PCSK5: variants seen among roughly 807,000 people sequenced by gnomAD.
PCSK5 encodes the protein prohormone convertase 5.
A neutral mutation model predicts 233.2 loss-of-function variants in PCSK5; 129 were observed. That is an observed-to-expected ratio of 0.55 (90% CI 0.48 to 0.64). The LOEUF is 0.64. PCSK5 is among the 30% of genes least tolerant of loss of function. The probability of loss-of-function intolerance (pLI) is 0.00; values close to 1 mark genes in which losing one functional copy is unlikely to be tolerated. For synonymous variants in PCSK5, 825 were observed against 879.2 expected (o/e 0.94, Z 1.09); for missense variants, 2,076 against 2,430.1 (o/e 0.85, Z 3.06).
intron 28 of PCSK5, among the ~76,000 whole-genome samples, chr9:76,308,283 G>T (rs189358815): frequency 6.6e-6 from 1 of 152,338 alleles, no homozygotes; most frequent in Admixed American, 6.5e-5. Context: ...TCATTCACAA[G>T]TGCATACACA....
intron 14 of PCSK5, among the ~76,000 whole-genome samples, chr9:76,179,249 C>T (rs1823742935): frequency 6.6e-6 from 1 of 152,138 alleles, no homozygotes; most frequent in Non-Finnish European, 1.5e-5. Context: ...AATCTTTTTA[C>T]TATTACACAT....
chr9:76,162,687 GA>G (rs1822916335), intron 12 of PCSK5, among the ~76,000 whole-genome samples: 3 of 152,092 alleles, frequency 2.0e-5, no homozygotes, highest in African/African-American at 7.2e-5. Context: ...AAAGAACAAA[GA>G]TTTTTTTCTT....
At chr9:76,179,546 CCTG>C in intron 14 of PCSK5, 47 bp from the exon 15 acceptor site, 1 of 1,332,528 alleles carries the variant, frequency 7.5e-7, no homozygotes, top group Non-Finnish European at 1.1e-6. Context: ...GTAAAGCTGA[CCTG>C]CTCTAAAATC....
At chr9:75,943,008 C>T (rs1315276866) in intron 2 of PCSK5, among the ~76,000 whole-genome samples, 4 of 151,516 alleles carry the variant, frequency 2.6e-5, no homozygotes, top group Non-Finnish European at 4.4e-5. Flanking sequence ...CTTCAGCCTC[C>T]TGGGTAGCTG....
chr9:76,040,369 C>CTGTCTG (rs1563988566), intron 5 of PCSK5, among the ~76,000 whole-genome samples: 3 of 51,382 alleles, frequency 5.8e-5, no homozygotes, highest in African/African-American at 2.3e-4. Flanking sequence ...CTCTCTCTCT[C>CTGTCTG]TCTCTCTCTC....
intron 34 of PCSK5, among the ~76,000 whole-genome samples, 158 bp from the exon 35 acceptor site, chr9:76,338,072 T>C (rs1238876383): frequency 6.6e-6 from 1 of 152,208 alleles, no homozygotes; most frequent in Non-Finnish European, 1.5e-5. Context: ...CTGGGAATCA[T>C]TGGATTCATT....
At chr9:76,089,189 G>A (rs1407882426) in intron 7 of PCSK5, among the ~76,000 whole-genome samples, 2 of 152,038 alleles carry the variant, frequency 1.3e-5, no homozygotes. Context: ...AATAACCATG[G>A]CATAAAGAGC....
At position 76,024,932 on chromosome 9, in the gene PCSK5, A is replaced by C. The variant is rs943298241; in HGVS notation, c.555+1051A>C. 7.2e-5 allele frequency among the ~76,000 whole-genome samples: 11 copies of C among 152,282 alleles called. No individual in the cohort carries two copies. The East Asian group carries it at 2.1e-3, about 29-fold the overall frequency. On this transcript the variant is annotated intron_variant, in intron 4 of 37. Coordinates refer to ENST00000674117, the MANE Select transcript of PCSK5 (RefSeq NM_001372043.1). ...TGTTTCTTCATATTGAAATCTTGGC[A>C]TAGGAAAACTTTATCATTTTGGTTG... is the stretch of plus-strand genomic sequence containing the variant.
chr9:75,902,435 G>A (rs1469447728), intron 1 of PCSK5, among the ~76,000 whole-genome samples: 2 of 151,966 alleles, frequency 1.3e-5, no homozygotes, highest in Non-Finnish European at 1.5e-5. Flanking sequence ...TGGCCATAGC[G>A]GCTTTACAAA....
intron 30 of PCSK5, among the ~76,000 whole-genome samples, chr9:76,313,675 A>G (rs976825): frequency 0.22 from 34,132 of 152,096 alleles, 4,062 homozygotes; most frequent in Middle Eastern, 0.34. Context: ...TCTGAAAACA[A>G]AAACAAAACA....
chr9:75,984,825 G>T (rs953664931), intron 2 of PCSK5, among the ~76,000 whole-genome samples: 1 of 152,136 alleles, frequency 6.6e-6, no homozygotes, highest in African/African-American at 2.4e-5. Flanking sequence ...AAATGAAGAG[G>T]TTAAATTGTT....
chr9:76,072,171 T>A (rs1830503728), intron 7 of PCSK5, among the ~76,000 whole-genome samples: 1 of 152,236 alleles, frequency 6.6e-6, no homozygotes, highest in African/African-American at 2.4e-5. Flanking sequence ...AATACGTTAA[T>A]CTTGCATTTG....
At chr9:76,143,110 A>T (rs1823296858) in intron 10 of PCSK5, among the ~76,000 whole-genome samples, 1 of 152,196 alleles carries the variant, frequency 6.6e-6, no homozygotes, top group Non-Finnish European at 1.5e-5. Context: ...GAGGGTTACC[A>T]AAAGTTGGGG....
chr9:76,192,256 G>C (rs1587740380), intron 20 of PCSK5, among the ~76,000 whole-genome samples: 1 of 152,048 alleles, frequency 6.6e-6, no homozygotes, highest in East Asian at 1.9e-4. Context: ...GGAGTGTCAG[G>C]CTTGTGGGCT....
intron 20 of PCSK5, among the ~76,000 whole-genome samples, chr9:76,222,341 T>C (rs1825754237): frequency 6.6e-6 from 1 of 151,568 alleles, no homozygotes; most frequent in Admixed American, 6.6e-5. Context: ...TAAAAAAATA[T>C]TGTAAAATAT....
chr9:76,061,731 A>G (rs924111778), intron 5 of PCSK5, among the ~76,000 whole-genome samples: 2 of 152,194 alleles, frequency 1.3e-5, no homozygotes, highest in African/African-American at 2.4e-5. Context: ...AAAGAGAATA[A>G]TTCAAATGTT....
intron 1 of PCSK5, among the ~76,000 whole-genome samples, chr9:75,919,942 T>C (rs1823173914): frequency 6.6e-6 from 1 of 152,014 alleles, no homozygotes; most frequent in African/African-American, 2.4e-5. Context: ...CCGAGGTGGG[T>C]GGATCACCTG....
chr9:75,934,325 T>A (rs985462779), intron 2 of PCSK5, among the ~76,000 whole-genome samples: 2 of 152,220 alleles, frequency 1.3e-5, no homozygotes, highest in Non-Finnish European at 2.9e-5. Context: ...TCCTACCAGC[T>A]TTGCAGAGAG....
intron 20 of PCSK5, among the ~76,000 whole-genome samples, chr9:76,190,221 T>C (rs997242654): frequency 5.9e-5 from 9 of 152,152 alleles, no homozygotes; most frequent in Non-Finnish European, 1.2e-4. Context: ...TTCTGTGGGT[T>C]TGGACAAATG....
Sources: gnomAD v4.1 joint callset for allele counts (sites outside exome capture counted in the v4.1 genomes callset) on GRCh38, gnomAD v4.1.1 for gene constraint, MANE v1.5 for transcripts, NCBI Gene and HGNC (gene_info 2026-07-23, HGNC 2026-07-21) for gene names.